EDNRA: variants seen among roughly 807,000 people sequenced by gnomAD.
EDNRA encodes the protein endothelin-1 receptor.
A neutral mutation model predicts 41.4 loss-of-function variants in EDNRA; 11 were observed. The observed-to-expected ratio is 0.27, with a 90% CI of 0.17 to 0.44. EDNRA has a LOEUF of 0.44. Ranked by LOEUF, EDNRA falls within the 20% of genes least tolerant of loss-of-function variation. The pLI is 1.00. For missense variants in EDNRA, 294 were observed against 531.0 expected, an observed-to-expected ratio of 0.55 and a Z score of 4.39; for synonymous variants, 172 against 183.0, an observed-to-expected ratio of 0.94 and a Z score of 0.49.
At position 147,519,928 on chromosome 4, in the gene EDNRA, G is replaced by C; in HGVS notation, c.498G>C (p.Lys166Asn). 6.2e-7 allele frequency: 1 copy of C among 1,613,434 alleles called. No homozygotes were observed. Among genetic ancestry groups the C allele is most frequent in the Non-Finnish European group, 8.5e-7 (1 of 1,179,576 alleles). Residue 166 changes from lysine to asparagine, a missense_variant, in exon 3 of 8, where the codon AAG becomes AAC. Coordinates refer to ENST00000651419, the MANE Select transcript of EDNRA (RefSeq NM_001957.4). The surrounding 1 kb of genome is among the most constrained non-coding windows in gnomAD (Gnocchi z 4.1). Reference sequence around the variant, plus strand: ...GCAAGCTGTTCCCCTTTTTGCAGAAGTCCTCGGTGGGGATCACCGTCCTCA... The same window carrying C: ...GCAAGCTGTTCCCCTTTTTGCAGAACTCCTCGGTGGGGATCACCGTCCTCA... ...FLCKLFPFLQ[K>N]SSVGITVLNL...
At position 147,487,542 on chromosome 4, in the gene EDNRA, G is replaced by T. The variant is rs10305873; in HGVS notation, c.420+1441G>T. ...ATATTCTGAAATATTACTTTAAATG[G>T]CAAGTTTTGTCAATTGAAGATACAA... On this transcript the variant is annotated intron_variant, in intron 2 of 7. Coordinates refer to ENST00000651419, the MANE Select transcript of EDNRA (RefSeq NM_001957.4). Among the ~76,000 whole-genome samples, 6 of 152,228 alleles carry T rather than the reference G, an allele frequency of 3.9e-5. No individual in the cohort carries two copies. The South Asian group carries it at 1.2e-3, about 32-fold the overall frequency.
intron 2 of EDNRA, chr4:147,491,524 A>G (rs746309304): frequency 2.0e-5 from 3 of 152,200 alleles, no homozygotes; most frequent in Non-Finnish European, 4.4e-5. Context: ...AATTAACTTC[A>G]AATCAGATTA....
At chr4:147,483,423 G>A (rs537538434) in intron 1 of EDNRA, among the ~76,000 whole-genome samples, 22 of 152,218 alleles carry the variant, frequency 1.4e-4, no homozygotes, top group Admixed American at 3.3e-4. Flanking sequence ...ACCTAGAGTC[G>A]TAAAGCTCAA....
chr4:147,519,078 G>GTTGAC lies in EDNRA; in HGVS notation c.421-773_421-772insTTGAC, dbSNP rs1730222692. Among the ~76,000 whole-genome samples, 2 of 152,212 alleles carry GTTGAC rather than the reference G, an allele frequency of 1.3e-5. No individual in the cohort carries two copies. Among genetic ancestry groups the GTTGAC allele is most frequent in the Non-Finnish European group, 2.9e-5 (2 of 68,036 alleles). On this transcript the variant is annotated intron_variant, in intron 2 of 7. Transcript: ENST00000651419. The surrounding 1 kb of genome is among the most constrained non-coding windows in gnomAD (Gnocchi z 4.1). ...TGGAAATTGTCAACATGGAAGAACA[G>GTTGAC]ATTTTTCTGCATGTGATACCAACAG... is the stretch of plus-strand genomic sequence containing the variant.
At chr4:147,508,948 A>G (rs1157150566) in intron 2 of EDNRA, among the ~76,000 whole-genome samples, 2 of 152,144 alleles carry the variant, frequency 1.3e-5, no homozygotes, top group Non-Finnish European at 1.5e-5. Flanking sequence ...TTATATTTTT[A>G]TGTAAATTTT....
At chr4:147,503,588 A>C in intron 2 of EDNRA, among the ~76,000 whole-genome samples, 1 of 152,248 alleles carries the variant, frequency 6.6e-6, no homozygotes, top group East Asian at 1.9e-4. Flanking sequence ...CTTTCAAAAA[A>C]GTGATTACCA....
chr4:147,529,648 T>TC (rs1239972670), intron 3 of EDNRA, among the ~76,000 whole-genome samples: 3 of 152,154 alleles, frequency 2.0e-5, no homozygotes, highest in Non-Finnish European at 4.4e-5. Flanking sequence ...CACTTGCAGA[T>TC]TTTCCATGAC....
chr4:147,482,295 T>A (rs1325251432), intron 1 of EDNRA, among the ~76,000 whole-genome samples: 4 of 152,202 alleles, frequency 2.6e-5, no homozygotes, highest in Non-Finnish European at 5.9e-5. Context: ...TGAACTTTGA[T>A]CCTGAGAGTC....
intron 3 of EDNRA, among the ~76,000 whole-genome samples, chr4:147,528,932 AC>A (rs974370019): frequency 2.0e-4 from 30 of 152,068 alleles, no homozygotes; most frequent in Admixed American, 2.6e-4. Flanking sequence ...GTCTGACGTA[AC>A]AGCCTCACTC....
In EDNRA at chr4:147,542,144, G is replaced by A. The variant is rs1005218795; in HGVS notation, c.1144-334G>A. Among the ~76,000 whole-genome samples, 3 of 152,146 alleles carry A rather than the reference G, an allele frequency of 2.0e-5. No homozygotes were observed. The South Asian group carries it at 6.2e-4, about 32-fold the overall frequency. Reference sequence around the variant, plus strand: ...GAGAGCCACACAGGTGGTGCACACTGAAGAAACGCTAGGACCCCCCCACCA... The same window carrying A: ...GAGAGCCACACAGGTGGTGCACACTAAAGAAACGCTAGGACCCCCCCACCA... On this transcript the variant is annotated intron_variant, in intron 7 of 7. Transcript: ENST00000651419.
chr4:147,509,743 A>G (rs1347075480), intron 2 of EDNRA, among the ~76,000 whole-genome samples: 2 of 152,032 alleles, frequency 1.3e-5, no homozygotes, highest in East Asian at 3.8e-4. Context: ...CTAACGCCTA[A>G]TGATCTGTCA....
intron 2 of EDNRA, chr4:147,493,886 G>C (rs534803924): frequency 6.6e-6 from 1 of 152,152 alleles, no homozygotes; most frequent in Admixed American, 6.5e-5. Flanking sequence ...CAATGTTCTG[G>C]GGCTCAGGAG....
At chr4:147,518,720 C>T (rs1730205675) in intron 2 of EDNRA, among the ~76,000 whole-genome samples, 1 of 151,374 alleles carries the variant, frequency 6.6e-6, no homozygotes, top group Non-Finnish European at 1.5e-5. Context: ...CAAAGCTTAG[C>T]TTAGAGTTAC....
At chr4:147,535,558 A>G (rs1730891944) in intron 4 of EDNRA, among the ~76,000 whole-genome samples, 1 of 152,222 alleles carries the variant, frequency 6.6e-6, no homozygotes, top group Non-Finnish European at 1.5e-5. Context: ...GAGCTTTAGA[A>G]GGACATTATT....
chr4:147,506,127 C>G, intron 2 of EDNRA: 1 of 526,990 alleles, frequency 1.9e-6, no homozygotes, highest in Non-Finnish European at 3.8e-6. Flanking sequence ...AGCTAAAGCC[C>G]CTGGAAGAGG....
intron 2 of EDNRA, among the ~76,000 whole-genome samples, chr4:147,502,834 A>G (rs142486685): frequency 4.5e-4 from 62 of 138,918 alleles, no homozygotes; most frequent in African/African-American, 1.7e-3. Context: ...AATGGGAGGT[A>G]TCTCTTCAAA....
rs1047492119 is a variant in EDNRA, at chr4:147,486,156, G to C, written c.420+55G>C. On this transcript the variant is annotated intron_variant, in intron 2 of 7. Transcript: ENST00000651419. The surrounding 1 kb of genome is among the most constrained non-coding windows in gnomAD (Gnocchi z 4.3). ...ATTTAAACCCATGCTCTGATTCCAC[G>C]TGGAGAGTTGCTGCAGACTTTTCTG... 1.3e-6 allele frequency: 2 copies of C among 1,533,570 alleles called. No individual in the cohort carries two copies. The highest frequency in any genetic ancestry group is 1.4e-5 in the African/African-American group (1 of 72,576). The allele number at this position is 1,533,570 out of a possible 1,614,324, so 95.0% of individuals were successfully genotyped here. A position where few individuals can be genotyped will look rare whatever the true frequency, so the allele number is the denominator to read the frequency against.
chr4:147,494,689 G>A (rs1324883323), intron 2 of EDNRA: 1 of 152,268 alleles, frequency 6.6e-6, no homozygotes, highest in Non-Finnish European at 1.5e-5. Flanking sequence ...ACAATTTTGA[G>A]AGTGAAGGGA....
At chr4:147,506,330 T>C in intron 2 of EDNRA, 1 of 432,504 alleles carries the variant, frequency 2.3e-6, no homozygotes, top group Non-Finnish European at 4.5e-6. Context: ...GCTCATCAGA[T>C]AAGCTGTCTT....
Sources: gnomAD v4.1 joint callset for allele counts (sites outside exome capture counted in the v4.1 genomes callset) on GRCh38, gnomAD v4.1.1 for gene constraint, Gnocchi (gnomAD v3.1) non-coding constraint, MANE v1.5 for transcripts, NCBI Gene and HGNC (gene_info 2026-07-23, HGNC 2026-07-21) for gene names.